The following FBXL4 variants were observed in gnomAD, a reference collection of about 807,000 sequenced individuals.
FBXL4 encodes the protein F-box and leucine rich repeat protein 4.
Under a neutral mutation model 58.9 loss-of-function variants are expected in FBXL4, and 40 were observed. The observed-to-expected ratio is 0.68, with a 90% confidence interval of 0.53 to 0.88. The LOEUF (loss-of-function observed/expected upper bound fraction) is 0.88, where lower values mean the gene tolerates loss of function less well. Among genes scored for constraint, FBXL4 ranks in the 40% least tolerant of loss-of-function variants. FBXL4 has a pLI of 0.00. For missense variants in FBXL4, 676 were observed against 734.4 expected, an observed-to-expected ratio of 0.92 and a Z score of 0.92; for synonymous variants, 263 against 265.5, an observed-to-expected ratio of 0.99 and a Z score of 0.09.
At chr6:98,885,121 TTGAGATG>T (rs775711686) in intron 7 of FBXL4, among the ~76,000 whole-genome samples, 4 of 152,236 alleles carry the variant, frequency 2.6e-5, no homozygotes, top group Non-Finnish European at 5.9e-5. Context: ...TTGTTTGTTT[TTGAGATG>T]GAGTCTCACT....
intron 7 of FBXL4, 60 bp downstream of exon 7, chr6:98,899,208 A>C: frequency 1.3e-6 from 2 of 1,589,940 alleles, no homozygotes; most frequent in Non-Finnish European, 1.7e-6. Context: ...CAATTACAGA[A>C]AACCAAATCT....
intron 5 of FBXL4, among the ~76,000 whole-genome samples, chr6:98,913,560 TGA>T (rs1207464952): frequency 6.6e-6 from 1 of 152,174 alleles, no homozygotes; most frequent in Non-Finnish European, 1.5e-5. Flanking sequence ...TGCTCCTGAA[TGA>T]CTACTGGGTA....
rs1423151326 is a variant in FBXL4, at chr6:98,875,746, C to T, written c.1390-19G>A. 6.2e-7 allele frequency: 1 copy of T among 1,607,896 alleles called. No homozygotes were observed. Among genetic ancestry groups the T allele is most frequent in the African/African-American group, 1.3e-5 (1 of 74,884 alleles). ...CTTCAATCTGGAAATCAAATAATTCCAATCTTTTACATGTTATGCTCAGAC... is the reference window on the plus strand; with the variant it reads ...CTTCAATCTGGAAATCAAATAATTCTAATCTTTTACATGTTATGCTCAGAC... On this transcript the variant is annotated intron_variant, in intron 8 of 9. Coordinates refer to ENST00000369244, the MANE Select transcript of FBXL4 (RefSeq NM_001278716.2).
At position 98,871,929 on chromosome 6, in the gene FBXL4, T is replaced by C. The variant is rs1255489560; in HGVS notation, c.*2349A>G. 6.6e-6 allele frequency: 1 copy of C among 152,228 alleles called. No individual in the cohort carries two copies. Among genetic ancestry groups the C allele is most frequent in the African/African-American group, 2.4e-5 (1 of 41,468 alleles). 9.4% of individuals were successfully genotyped at this position (152,228 alleles called of 1,614,324 possible). On this transcript the variant is annotated 3_prime_UTR_variant, in exon 10 of 10. Transcript: ENST00000369244. Reference sequence around the variant, plus strand: ...CACTATTATGGAACACTGAATGGCTTTGGAATTTAGCTTTTGCTCAAGACT... The same window carrying C: ...CACTATTATGGAACACTGAATGGCTCTGGAATTTAGCTTTTGCTCAAGACT...
chr6:98,925,638 A>T (rs1772749857), intron 4 of FBXL4, among the ~76,000 whole-genome samples: 1 of 152,252 alleles, frequency 6.6e-6, no homozygotes, highest in South Asian at 2.1e-4. Context: ...ATTACTTGCA[A>T]ATGCAGGAAA....
intron 7 of FBXL4, among the ~76,000 whole-genome samples, chr6:98,893,570 G>T (rs1039343114): frequency 1.3e-5 from 2 of 152,126 alleles, no homozygotes; most frequent in Admixed American, 1.3e-4. Context: ...GGTACTGGGG[G>T]GTAGGACTTC....
At chr6:98,880,497 T>C (rs1175141457) in intron 8 of FBXL4, 56 bp downstream of exon 8, 6 of 1,431,246 alleles carry the variant, frequency 4.2e-6, no homozygotes, top group Non-Finnish European at 5.9e-6. Context: ...ATTTCACCCA[T>C]AGGAAGAAAA....
intron 7 of FBXL4, among the ~76,000 whole-genome samples, chr6:98,882,476 T>G (rs548334409): frequency 2.4e-4 from 37 of 152,192 alleles, no homozygotes; most frequent in Admixed American, 2.1e-3. Flanking sequence ...GATCTGTCCA[T>G]GTTGATACAT....
At chr6:98,894,272 TGAAAA>T (rs1260641923) in intron 7 of FBXL4, among the ~76,000 whole-genome samples, 1 of 152,158 alleles carries the variant, frequency 6.6e-6, no homozygotes, top group Non-Finnish European at 1.5e-5. Flanking sequence ...AAGAATCTTA[TGAAAA>T]GAAAAGAACC....
intron 4 of FBXL4, among the ~76,000 whole-genome samples, chr6:98,919,344 T>C (rs1263602287): frequency 6.6e-6 from 1 of 152,200 alleles, no homozygotes; most frequent in African/African-American, 2.4e-5. Context: ...CCCATACTTG[T>C]TATTTTTGCT....
intron 9 of FBXL4, 141 bp downstream of exon 9, chr6:98,875,274 T>C: frequency 1.4e-6 from 1 of 727,692 alleles, no homozygotes; most frequent in Admixed American, 2.2e-5. Context: ...TATCTTGCAT[T>C]TCCTATCAAA....
At chr6:98,890,609 T>A (rs912843763) in intron 7 of FBXL4, among the ~76,000 whole-genome samples, 3 of 152,064 alleles carry the variant, frequency 2.0e-5, no homozygotes, top group Admixed American at 6.6e-5. Flanking sequence ...ATAAACTTGG[T>A]GAAGAAGAAT....
intron 2 of FBXL4, among the ~76,000 whole-genome samples, chr6:98,930,836 T>G (rs1772986045): frequency 6.6e-6 from 1 of 152,208 alleles, no homozygotes; most frequent in African/African-American, 2.4e-5. Context: ...CCATATACAC[T>G]TTATTTCAAA....
chr6:98,909,960 G>C (rs558136644), intron 5 of FBXL4, among the ~76,000 whole-genome samples: 1 of 152,302 alleles, frequency 6.6e-6, no homozygotes, highest in Non-Finnish European at 1.5e-5. Context: ...ATGTTGGAGA[G>C]GCATTATAGT....
chr6:98,914,326 A>G lies in FBXL4; in HGVS notation c.858+3048T>C, dbSNP rs562396399. On this transcript the variant is annotated intron_variant, in intron 5 of 9. Transcript: ENST00000369244. ...CCCTAACTCATTTTATGAGGCCAGCATCATCCTGATACCAAAGCTGGGCAG... is the reference window on the plus strand; with the variant it reads ...CCCTAACTCATTTTATGAGGCCAGCGTCATCCTGATACCAAAGCTGGGCAG... 3.3e-3 allele frequency among the ~76,000 whole-genome samples: 496 copies of G among 152,352 alleles called. 3 individuals carry two copies. Among genetic ancestry groups the G allele is most frequent in the African/African-American group, 0.011 (463 of 41,580 alleles).
At chr6:98,911,643 A>G (rs1016952961) in intron 5 of FBXL4, among the ~76,000 whole-genome samples, 2 of 152,206 alleles carry the variant, frequency 1.3e-5, no homozygotes, top group African/African-American at 4.8e-5. Context: ...AGGAAAACTA[A>G]CAAACAGAAA....
intron 6 of FBXL4, among the ~76,000 whole-genome samples, chr6:98,903,977 G>A (rs1223399177): frequency 6.6e-6 from 1 of 152,072 alleles, no homozygotes; most frequent in Non-Finnish European, 1.5e-5. Context: ...TGCACACAAA[G>A]GGTGAAAACA....
chr6:98,874,145 T>C lies in FBXL4; in HGVS notation c.*133A>G. ...CATTTTTACTTGATTTAATGGACAA[T>C]TTCATATTTTTCTTTAAAATCTACA... On this transcript the variant is annotated 3_prime_UTR_variant, in exon 10 of 10. Coordinates refer to ENST00000369244, the MANE Select transcript of FBXL4 (RefSeq NM_001278716.2). 1 of 631,716 alleles carries C rather than the reference T, an allele frequency of 1.6e-6. No homozygotes were observed. 39.1% of individuals were successfully genotyped at this position (631,716 alleles called of 1,614,324 possible). A position where few individuals can be genotyped will look rare whatever the true frequency, so the allele number is the denominator to read the frequency against.
chr6:98,909,513 T>A (rs1771948520), intron 5 of FBXL4, among the ~76,000 whole-genome samples: 3 of 152,238 alleles, frequency 2.0e-5, no homozygotes, highest in African/African-American at 7.2e-5. Flanking sequence ...CTGGCCTTCA[T>A]TCAAATTCTA....
Sources: allele counts gnomAD v4.1 joint callset (sites outside exome capture counted in the v4.1 genomes callset), GRCh38; gene constraint gnomAD v4.1.1; transcripts MANE v1.5; gene names NCBI Gene and HGNC (gene_info 2026-07-23, HGNC 2026-07-21).